The following MTMR10 variants were observed in gnomAD, a reference collection of about 807,000 sequenced individuals.
The protein encoded by MTMR10 is myotubularin related protein 10, also known as myotubularin-related protein 10.
MTMR10 carries 56 observed loss-of-function variants against 88.1 expected under a neutral mutation model. The ratio of observed to expected loss-of-function variants is 0.64; its 90% CI spans 0.51 to 0.79. MTMR10 has a LOEUF of 0.79. MTMR10 is among the 30% of genes least tolerant of loss of function. The pLI, the probability that MTMR10 is intolerant of heterozygous loss-of-function variation, is 0.00. For missense variants in MTMR10, 883 were observed against 924.7 expected (o/e 0.95, Z 0.58); for synonymous variants, 380 against 340.9 (o/e 1.11, Z -1.26).
At chr15:30,958,095 A>T (rs2063352229) in intron 9 of MTMR10, among the ~76,000 whole-genome samples, 1 of 152,228 alleles carries the variant, frequency 6.6e-6, no homozygotes, top group Admixed American at 6.5e-5. Context: ...TTTGGACATA[A>T]TGAGTTTAAG....
the MTMR10 span, among the ~76,000 whole-genome samples, chr15:30,931,052 T>G: frequency 6.6e-6 from 1 of 152,196 alleles, no homozygotes; most frequent in Non-Finnish European, 1.5e-5. Context: ...CATTTTAAAA[T>G]GACTTAAAGA....
At chr15:30,927,460 A>G in the MTMR10 span, 2 of 985,650 alleles carry the variant, frequency 2.0e-6, no homozygotes, top group Non-Finnish European at 2.4e-6. Flanking sequence ...TAGAACTGAC[A>G]GGAAGACAGG....
At position 30,941,836 on chromosome 15, in the gene MTMR10, C is replaced by G. The variant is rs1207488505; in HGVS notation, c.1968G>C (p.Leu656=). Residue 656 remains leucine (L), a synonymous_variant, in exon 16 of 16, where the codon CTG becomes CTC. Coordinates refer to ENST00000435680, the MANE Select transcript of MTMR10 (RefSeq NM_017762.3). ...CCCAGCGGAAGTAGCACAGTTTCCA[C>G]AGTTTTATGTGTGTTCCAGAGACAC... ...LPRVSGTHIK[L]WKLCYFRWVP... 1 of 1,613,938 alleles carries G rather than the reference C, an allele frequency of 6.2e-7. No homozygotes were observed. Among genetic ancestry groups the G allele is most frequent in the Non-Finnish European group, 8.5e-7 (1 of 1,179,920 alleles).
chr15:30,922,182 G>A, the MTMR10 span: 10,975 of 1,586,098 alleles, frequency 6.9e-3, 669 homozygotes, highest in African/African-American at 0.13. Flanking sequence ...AAATATCATT[G>A]CAGCTGGATT....
chr15:30,920,096 C>A, the MTMR10 span, among the ~76,000 whole-genome samples: 4 of 152,174 alleles, frequency 2.6e-5, no homozygotes, highest in Non-Finnish European at 4.4e-5. Context: ...CAAAAGCAGC[C>A]ACAAGAAGTA....
At chr15:30,922,209 A>G in the MTMR10 span, 2 of 1,597,424 alleles carry the variant, frequency 1.3e-6, no homozygotes, top group Non-Finnish European at 1.7e-6. Flanking sequence ...GAATCTAATG[A>G]GGTTTCTTTG....
the MTMR10 span, among the ~76,000 whole-genome samples, chr15:30,924,440 C>T: frequency 6.6e-6 from 1 of 152,218 alleles, no homozygotes; most frequent in Non-Finnish European, 1.5e-5. Context: ...ACCAGTGTCA[C>T]ATTCCCACCA....
chr15:30,986,266 G>A (rs1452480630), intron 2 of MTMR10, among the ~76,000 whole-genome samples: 1 of 152,168 alleles, frequency 6.6e-6, no homozygotes, highest in East Asian at 1.9e-4. Context: ...GCAGTAAGCC[G>A]TGATCACACC....
chr15:30,945,395 G>C (rs771971200), intron 14 of MTMR10, among the ~76,000 whole-genome samples: 2 of 152,176 alleles, frequency 1.3e-5, no homozygotes, highest in African/African-American at 2.4e-5. Context: ...CATTCCTGGT[G>C]AGAAGTCTGT....
At chr15:30,958,087 T>C (rs560402398) in intron 9 of MTMR10, among the ~76,000 whole-genome samples, 6 of 152,352 alleles carry the variant, frequency 3.9e-5, no homozygotes, top group Admixed American at 2.6e-4. Context: ...AGTTTGGTTT[T>C]GGACATAATG....
chr15:30,933,919 C>T, the MTMR10 span, among the ~76,000 whole-genome samples: 2 of 152,090 alleles, frequency 1.3e-5, no homozygotes, highest in African/African-American at 4.8e-5. Flanking sequence ...CACCATCATG[C>T]CCAGCTGATT....
At chr15:30,926,073 A>T in the MTMR10 span, 1 of 860,632 alleles carries the variant, frequency 1.2e-6, no homozygotes, top group Non-Finnish European at 1.8e-6. Context: ...GGGCTGGGGG[A>T]TGTCTTCCTA....
chr15:30,943,880 C>T, intron 14 of MTMR10: 1 of 985,414 alleles, frequency 1.0e-6, no homozygotes, highest in Non-Finnish European at 1.2e-6. Context: ...CTCATCTCAG[C>T]TGATTGATGG....
chr15:30,986,055 G>C (rs982155831), intron 2 of MTMR10, among the ~76,000 whole-genome samples: 7 of 152,144 alleles, frequency 4.6e-5, no homozygotes, highest in African/African-American at 1.7e-4. Flanking sequence ...GGTGGCTCAC[G>C]GCTATAATCC....
Position 30,943,045 on chromosome 15 carries a change from A to G in MTMR10, c.1576T>C (p.Leu526=), listed in dbSNP as rs375756798. The change falls in exon 15 of 16, where the codon TTG becomes CTG. Residue 526 remains leucine (L), a synonymous_variant. Transcript: ENST00000435680. ...AATTTTAAGCCCTTCTCATCACCCA[A>G]TTGGATGTTTTTGCTTATAGCAAAT... ...TEFAISKNIQ[L]GDEKGLKFPS... The G allele has an allele frequency of 1.8e-4, 281 of 1,538,604 alleles. No homozygotes were observed. The highest frequency in any genetic ancestry group is 2.1e-4 in the Non-Finnish European group (242 of 1,143,700).
At chr15:30,989,971 T>C (rs1225000954) in intron 2 of MTMR10, among the ~76,000 whole-genome samples, 2 of 152,186 alleles carry the variant, frequency 1.3e-5, no homozygotes, top group Non-Finnish European at 1.5e-5. Flanking sequence ...CTAATTATTA[T>C]ACAATTGTTA....
chr15:30,935,617 C>T (rs954658934), downstream of MTMR10, among the ~76,000 whole-genome samples: 1 of 151,970 alleles, frequency 6.6e-6, no homozygotes, highest in Non-Finnish European at 1.5e-5. Context: ...GGGACTTGAG[C>T]ATCCATGGAT....
intron 2 of MTMR10, among the ~76,000 whole-genome samples, chr15:30,979,905 A>C (rs1033578137): frequency 1.3e-5 from 2 of 152,262 alleles, no homozygotes; most frequent in African/African-American, 2.4e-5. Context: ...ATGAAATTTT[A>C]GTAAGACATA....
chr15:30,980,640 G>T (rs1220284172), intron 2 of MTMR10, among the ~76,000 whole-genome samples: 1 of 152,142 alleles, frequency 6.6e-6, no homozygotes, highest in Non-Finnish European at 1.5e-5. Context: ...AAAAGAACTA[G>T]GGCTCTTTAG....
Sources: gnomAD v4.1 joint callset for allele counts (sites outside exome capture counted in the v4.1 genomes callset) on GRCh38, gnomAD v4.1.1 for gene constraint, MANE v1.5 for transcripts, NCBI Gene and HGNC (gene_info 2026-07-23, HGNC 2026-07-21) for gene names.